Variants in PCSK5 observed in about 807,000 individuals in gnomAD.
The protein encoded by PCSK5 is proprotein convertase subtilisin/kexin type 5, also known as prohormone convertase 5.
In PCSK5, 129 loss-of-function variants were observed where a neutral mutation model predicts 233.2. That is an observed-to-expected ratio of 0.55 (90% CI 0.48 to 0.64). The LOEUF is 0.64. Ranked by LOEUF, PCSK5 falls within the 30% of genes least tolerant of loss-of-function variation. The pLI is 0.00. For missense variants in PCSK5, 2,076 were observed against 2,430.1 expected, an observed-to-expected ratio of 0.85 and a Z score of 3.06; for synonymous variants, 825 against 879.2, an observed-to-expected ratio of 0.94 and a Z score of 1.09.
rs1830376879 is a variant in PCSK5 at position 76,359,056 on chromosome 9, A to AGAATATG, written c.*135_*141dup. ...GTCTTCTTTAACCATGAGTCCAACC[A>AGAATATG]GAATATGTAAGAATGATGAAATACT... On this transcript the variant is annotated 3_prime_UTR_variant, in exon 38 of 38. Coordinates refer to ENST00000674117, the MANE Select transcript of PCSK5 (RefSeq NM_001372043.1). 5 of 642,572 alleles carry AGAATATG rather than the reference A, an allele frequency of 7.8e-6. No homozygotes were observed. Among genetic ancestry groups the AGAATATG allele is most frequent in the Non-Finnish European group, 1.1e-5 (4 of 373,022 alleles). 39.8% of individuals were successfully genotyped at this position (642,572 alleles called of 1,614,324 possible). A position where few individuals can be genotyped will look rare whatever the true frequency, so the allele number is the denominator to read the frequency against.
chr9:76,097,382 C>T lies in PCSK5; in HGVS notation c.1107+1280C>T, dbSNP rs542634108. Among the ~76,000 whole-genome samples the T allele has an allele frequency of 3.3e-5, 5 of 150,864 alleles. 1 individual carries two copies. The South Asian group carries it at 1.1e-3, about 32-fold the overall frequency. ...TCACGCCATTCTCCTGCCTCAGCCTCCCGAGTAGCTGGGACTACAGGCGCC... is the reference window on the plus strand; with the variant it reads ...TCACGCCATTCTCCTGCCTCAGCCTTCCGAGTAGCTGGGACTACAGGCGCC... On this transcript the variant is annotated intron_variant, in intron 8 of 37. Transcript: ENST00000674117.
At chr9:76,196,048 GAGA>G (rs1312007788) in intron 20 of PCSK5, among the ~76,000 whole-genome samples, 2 of 152,178 alleles carry the variant, frequency 1.3e-5, no homozygotes, top group Non-Finnish European at 2.9e-5. Context: ...GGAGGGAATT[GAGA>G]AGGAGTGAGA....
chr9:75,919,545 C>G (rs1823152593), intron 1 of PCSK5, among the ~76,000 whole-genome samples: 1 of 152,146 alleles, frequency 6.6e-6, no homozygotes, highest in African/African-American at 2.4e-5. Flanking sequence ...TCCAAGTATT[C>G]CCAACAATGT....
chr9:76,362,346 G>A lies in PCSK5; in HGVS notation c.*3424G>A, dbSNP rs974868944. The A allele has an allele frequency of 3.3e-5, 5 of 152,186 alleles. No individual in the cohort carries two copies. The highest frequency in any genetic ancestry group is 7.3e-5 in the Non-Finnish European group (5 of 68,036). 9.4% of individuals were successfully genotyped at this position (152,186 alleles called of 1,614,324 possible). A position where few individuals can be genotyped will look rare whatever the true frequency, so the allele number is the denominator to read the frequency against. ...TAAAATTAAATCAAGACCAGATAAT[G>A]CTATGGAGACTTACTTATTAAATAA... is the stretch of plus-strand genomic sequence containing the variant. On this transcript the variant is annotated 3_prime_UTR_variant, in exon 38 of 38. Coordinates refer to ENST00000674117, the MANE Select transcript of PCSK5 (RefSeq NM_001372043.1).
At chr9:76,351,438 T>G (rs1471924682) in intron 36 of PCSK5, among the ~76,000 whole-genome samples, 3 of 29,526 alleles carry the variant, frequency 1.0e-4, no homozygotes, top group East Asian at 1.7e-3. Flanking sequence ...CCCTGCAATG[T>G]GAAAGAAAGG....
chr9:75,970,181 C>T (rs567517893), intron 2 of PCSK5, among the ~76,000 whole-genome samples: 47 of 152,048 alleles, frequency 3.1e-4, no homozygotes, highest in Non-Finnish European at 5.7e-4. Flanking sequence ...CCACAGAAAC[C>T]CAATTCTTAA....
chr9:76,137,703 C>T (rs1199738253), intron 10 of PCSK5, among the ~76,000 whole-genome samples: 1 of 152,004 alleles, frequency 6.6e-6, no homozygotes, highest in African/African-American at 2.4e-5. Context: ...AGAGAATCTA[C>T]TTTAGATTGC....
At chr9:76,301,280 AAAAGAAAG>A (rs1476303674) in intron 27 of PCSK5, among the ~76,000 whole-genome samples, 4 of 151,728 alleles carry the variant, frequency 2.6e-5, no homozygotes, top group African/African-American at 7.2e-5. Flanking sequence ...AAAAAAAAAA[AAAAGAAAG>A]AAAAGAAAGA....
intron 26 of PCSK5, among the ~76,000 whole-genome samples, chr9:76,295,949 A>G (rs1828424407): frequency 6.6e-6 from 1 of 152,240 alleles, no homozygotes; most frequent in Admixed American, 6.5e-5. Context: ...GACAGCCCAC[A>G]ATGATCTTCA....
At chr9:76,064,176 GCGGGGGGC>G in intron 5 of PCSK5, among the ~76,000 whole-genome samples, 1 of 126,988 alleles carries the variant, frequency 7.9e-6, no homozygotes, top group African/African-American at 3.6e-5. Context: ...GGCTGGCCAG[GCGGGGGGC>G]TGACCCCCCC....
chr9:75,941,136 C>T (rs778347893), intron 2 of PCSK5, among the ~76,000 whole-genome samples: 2 of 152,190 alleles, frequency 1.3e-5, no homozygotes, highest in East Asian at 1.9e-4. Context: ...CTCCTTCCAG[C>T]GGGCGCTCCT....
chr9:76,188,766 C>T (rs1824224987), intron 18 of PCSK5, 91 bp downstream of exon 18: 6 of 863,922 alleles, frequency 6.9e-6, no homozygotes, highest in South Asian at 1.5e-5. Flanking sequence ...CCACTTGATA[C>T]TTTTAAAGTA....
intron 24 of PCSK5, among the ~76,000 whole-genome samples, chr9:76,277,236 T>A (rs1241094080): frequency 6.6e-6 from 1 of 151,916 alleles, no homozygotes; most frequent in Non-Finnish European, 1.5e-5. Flanking sequence ...AAAACAATAA[T>A]AATAATAATC....
At chr9:76,259,964 A>G (rs1827116378) in intron 24 of PCSK5, among the ~76,000 whole-genome samples, 1 of 152,014 alleles carries the variant, frequency 6.6e-6, no homozygotes, top group Non-Finnish European at 1.5e-5. Context: ...CTTCCTCACC[A>G]TCCACTTCTC....
chr9:76,055,311 C>G lies in PCSK5; in HGVS notation c.633-12644C>G, dbSNP rs371126519. Among the ~76,000 whole-genome samples, 7 of 152,202 alleles carry G rather than the reference C, an allele frequency of 4.6e-5. No homozygotes were observed. In the South Asian group the frequency reaches 8.3e-4, roughly 18 times the overall value. ...TTTACTGTTTTTAAGGCCTCGTGGA[C>G]TTCATGTAATTCCAAGTACTTCAGA... On this transcript the variant is annotated intron_variant, in intron 5 of 37. Transcript: ENST00000674117.
chr9:76,186,016 A>C (rs986137014), intron 17 of PCSK5, among the ~76,000 whole-genome samples: 7 of 152,216 alleles, frequency 4.6e-5, no homozygotes, highest in Admixed American at 1.3e-4. Flanking sequence ...GAAACATGAG[A>C]GCCATATATG....
chr9:76,081,225 G>T (rs1221125196), intron 7 of PCSK5, among the ~76,000 whole-genome samples: 2 of 152,050 alleles, frequency 1.3e-5, no homozygotes, highest in African/African-American at 4.8e-5. Context: ...AGGCTGAGGT[G>T]GGCAAATCAC....
chr9:75,990,723 G>A (rs1363800573), intron 3 of PCSK5, among the ~76,000 whole-genome samples: 1 of 152,132 alleles, frequency 6.6e-6, no homozygotes, highest in Non-Finnish European at 1.5e-5. Flanking sequence ...AGTTTCTCTG[G>A]GATCACGTGC....
Position 76,175,310 on chromosome 9 carries a change from T to TAGAATAGAAC in PCSK5, c.1900+185_1900+186insTAGAACAGAA, listed in dbSNP as rs1564081721. The stretch of plus-strand genomic sequence containing the variant: ...TCGAATCGAATAGAATAGAATAGAA[T>TAGAATAGAAC]AGAACAGAACAGAATAGAATAGAAC... On this transcript the variant is annotated intron_variant, in intron 14 of 37. Coordinates refer to ENST00000674117, the MANE Select transcript of PCSK5 (RefSeq NM_001372043.1). The TAGAATAGAAC allele has an allele frequency of 3.9e-5, 19 of 493,252 alleles. No homozygotes were observed. The East Asian group carries it at 4.2e-4, about 11-fold the overall frequency. The allele number at this position is 493,252 out of a possible 1,614,324, so 30.6% of individuals were successfully genotyped here.
Sources: gnomAD v4.1 joint callset for allele counts (sites outside exome capture counted in the v4.1 genomes callset) on GRCh38, gnomAD v4.1.1 for gene constraint, MANE v1.5 for transcripts, NCBI Gene and HGNC (gene_info 2026-07-23, HGNC 2026-07-21) for gene names.